Variants in MTHFD1L observed in about 807,000 individuals in gnomAD.
MTHFD1L encodes methylenetetrahydrofolate dehydrogenase (NADP+ dependent) 1 like, also known as monofunctional C1-tetrahydrofolate synthase, mitochondrial.
In MTHFD1L, 81 loss-of-function variants were observed where a neutral mutation model predicts 119.5. The observed-to-expected ratio is 0.68, with a 90% CI of 0.57 to 0.82. The LOEUF is 0.82. Ranked by LOEUF, MTHFD1L falls within the 40% of genes least tolerant of loss-of-function variation. The pLI, the probability that MTHFD1L is intolerant of heterozygous loss-of-function variation, is 0.00. For synonymous variants in MTHFD1L, 430 were observed against 475.2 expected (o/e 0.90, Z 1.24); for missense variants, 1,125 against 1,253.4 (o/e 0.90, Z 1.55).
At chr6:150,922,141 T>C in intron 9 of MTHFD1L, 64 bp from the exon 10 acceptor site, 1 of 1,183,518 alleles carries the variant, frequency 8.4e-7, no homozygotes, top group South Asian at 1.3e-5. Flanking sequence ...ATTTCCATGG[T>C]TTAAGTGTGT....
intron 26 of MTHFD1L, among the ~76,000 whole-genome samples, chr6:151,051,452 T>G (rs1354678662): frequency 2.6e-5 from 4 of 152,180 alleles, no homozygotes; most frequent in African/African-American, 9.7e-5. Flanking sequence ...ATACTCACCC[T>G]GGGAGCATAG....
At chr6:150,879,955 T>G (rs1278382402) in intron 4 of MTHFD1L, among the ~76,000 whole-genome samples, 1 of 152,148 alleles carries the variant, frequency 6.6e-6, no homozygotes, top group East Asian at 1.9e-4. Flanking sequence ...TAGCCCTTGA[T>G]TTTCGTCGTT....
rs577402787 is a variant in MTHFD1L at position 150,892,715 on chromosome 6, C to T, written c.780+4734C>T. Among the ~76,000 whole-genome samples, 15 of 152,318 alleles carry T rather than the reference C, an allele frequency of 9.8e-5. 1 individual carries two copies. In the South Asian group the frequency reaches 3.1e-3, roughly 32 times the overall value. On this transcript the variant is annotated intron_variant, in intron 7 of 27. Coordinates refer to ENST00000367321, the MANE Select transcript of MTHFD1L (RefSeq NM_015440.5). The stretch of plus-strand genomic sequence containing the variant: ...TCTTTCATGTTAGCAGCTAGTCTTT[C>T]ACTAGCCACATACTTCCCCGTAACC...
intron 24 of MTHFD1L, among the ~76,000 whole-genome samples, chr6:151,025,545 T>C (rs892332475): frequency 5.9e-5 from 9 of 152,248 alleles, no homozygotes; most frequent in Non-Finnish European, 1.2e-4. Context: ...AAAATACGAA[T>C]GGAAATAATT....
chr6:150,901,455 A>G (rs927266677), intron 7 of MTHFD1L, among the ~76,000 whole-genome samples: 1 of 152,358 alleles, frequency 6.6e-6, no homozygotes, highest in African/African-American at 2.4e-5. Flanking sequence ...TCCAGCCTAG[A>G]GGACAGAGTG....
intron 26 of MTHFD1L, among the ~76,000 whole-genome samples, chr6:151,045,146 T>C (rs1259661972): frequency 2.6e-5 from 4 of 152,198 alleles, no homozygotes; most frequent in Admixed American, 2.6e-4. Context: ...CGGTTAGGCA[T>C]GGAGGAGAAT....
At chr6:150,967,089 CA>C (rs1288568450) in intron 19 of MTHFD1L, among the ~76,000 whole-genome samples, 2 of 143,988 alleles carry the variant, frequency 1.4e-5, no homozygotes, top group Admixed American at 6.9e-5. Flanking sequence ...AAAAAGCAAA[CA>C]AAAACATTTC....
At chr6:151,010,431 A>G (rs1782058129) in intron 21 of MTHFD1L, among the ~76,000 whole-genome samples, 2 of 152,082 alleles carry the variant, frequency 1.3e-5, no homozygotes, top group Non-Finnish European at 1.5e-5. Context: ...TGATGCTGCA[A>G]CTCATCAGAT....
intron 16 of MTHFD1L, among the ~76,000 whole-genome samples, chr6:150,951,779 A>G (rs1333877811): frequency 6.6e-6 from 1 of 152,112 alleles, no homozygotes; most frequent in Non-Finnish European, 1.5e-5. Flanking sequence ...TCATGTCCAA[A>G]ATGTATTGTC....
rs71014539 is a variant in MTHFD1L, at chr6:151,088,623, ATTTTTTTT to A, written c.2848-3832_2848-3825del. Among the ~76,000 whole-genome samples the A allele has an allele frequency of 2.6e-4, 34 of 128,626 alleles. 1 individual carries two copies. In the South Asian group the frequency reaches 8.7e-3, roughly 33 times the overall value. 84.4% of individuals were successfully genotyped at this position (128,626 alleles called of 152,430 possible). A position where few individuals can be genotyped will look rare whatever the true frequency, so the allele number is the denominator to read the frequency against. On this transcript the variant is annotated intron_variant, in intron 26 of 27. Transcript: ENST00000367321. The stretch of plus-strand genomic sequence containing the variant: ...GGGTGCTCATTACCACACCCAGCTA[ATTTTTTTT>A]TTTTTTTTTTTGTATTTGTAGAAGA...
intron 8 of MTHFD1L, among the ~76,000 whole-genome samples, chr6:150,917,043 G>A (rs915601512): frequency 1.1e-4 from 16 of 151,668 alleles, no homozygotes; most frequent in African/African-American, 3.6e-4. Flanking sequence ...TTACAGGCGT[G>A]AGCCACCATG....
At chr6:150,888,157 C>T (rs1782629235) in intron 7 of MTHFD1L, among the ~76,000 whole-genome samples, 176 bp downstream of exon 7, 1 of 152,172 alleles carries the variant, frequency 6.6e-6, no homozygotes, top group African/African-American at 2.4e-5. Context: ...CAAGAAAAGG[C>T]AACAGGTGGT....
At chr6:150,987,745 G>A (rs377683426) in intron 20 of MTHFD1L, among the ~76,000 whole-genome samples, 1 of 152,148 alleles carries the variant, frequency 6.6e-6, no homozygotes, top group Non-Finnish European at 1.5e-5. Context: ...AACAGGAAGT[G>A]CACGTTTGTT....
intron 7 of MTHFD1L, among the ~76,000 whole-genome samples, chr6:150,892,170 A>G (rs1783415983): frequency 6.6e-6 from 1 of 152,244 alleles, no homozygotes; most frequent in Non-Finnish European, 1.5e-5. Context: ...AGCTCAGTGG[A>G]AGAGGAAAAT....
At chr6:151,059,371 T>C (rs1436933694) in intron 26 of MTHFD1L, among the ~76,000 whole-genome samples, 1 of 151,872 alleles carries the variant, frequency 6.6e-6, no homozygotes, top group Non-Finnish European at 1.5e-5. Flanking sequence ...GAGTTGGGGT[T>C]TTGCCATGTT....
chr6:151,061,258 G>A (rs564488519), intron 26 of MTHFD1L, among the ~76,000 whole-genome samples: 11 of 152,234 alleles, frequency 7.2e-5, no homozygotes, highest in African/African-American at 2.6e-4. Flanking sequence ...GAGCTCAGGC[G>A]CAAGCTTCCA....
chr6:150,929,270 T>G (rs1258219087), intron 11 of MTHFD1L, among the ~76,000 whole-genome samples: 1 of 152,188 alleles, frequency 6.6e-6, no homozygotes, highest in Non-Finnish European at 1.5e-5. Flanking sequence ...AGCATTTGAT[T>G]TGTGAAATTG....
intron 1 of MTHFD1L, among the ~76,000 whole-genome samples, chr6:150,871,157 T>C (rs1309936657): frequency 4.8e-5 from 7 of 145,926 alleles, no homozygotes; most frequent in African/African-American, 7.5e-5. Context: ...GTAATATATA[T>C]ATACACCTTA....
rs537399120 is a variant in MTHFD1L at position 150,986,939 on chromosome 6, T to A, written c.2125+14881T>A. Among the ~76,000 whole-genome samples, 38 of 152,238 alleles carry A rather than the reference T, an allele frequency of 2.5e-4. No homozygotes were observed. In the East Asian group the frequency reaches 7.0e-3, roughly 28 times the overall value. ...CTGGTCTCGAACTCCTGACCTCAAG[T>A]GATCTGCCCCCCTCAGCCTCTCAAA... is the stretch of plus-strand genomic sequence containing the variant. On this transcript the variant is annotated intron_variant, in intron 20 of 27. Coordinates refer to ENST00000367321, the MANE Select transcript of MTHFD1L (RefSeq NM_015440.5).
Sources: gnomAD v4.1 joint callset for allele counts (sites outside exome capture counted in the v4.1 genomes callset) on GRCh38, gnomAD v4.1.1 for gene constraint, MANE v1.5 for transcripts, NCBI Gene and HGNC (gene_info 2026-07-23, HGNC 2026-07-21) for gene names.